KCNIP4: variants seen among roughly 807,000 people sequenced by gnomAD.
KCNIP4 encodes potassium voltage-gated channel interacting protein 4.
A neutral mutation model predicts 34.0 loss-of-function variants in KCNIP4; 12 were observed. The observed-to-expected ratio is 0.35, with a 90% CI of 0.23 to 0.57. The LOEUF is 0.57. Among genes scored for constraint, KCNIP4 ranks in the 20% least tolerant of loss-of-function variants. KCNIP4 has a pLI of 0.83. For missense variants in KCNIP4, 238 were observed against 311.7 expected, an observed-to-expected ratio of 0.76 and a Z score of 1.78; for synonymous variants, 124 against 102.2, an observed-to-expected ratio of 1.21 and a Z score of -1.29.
chr4:21,947,899 C>T (rs1730594177), intron 1 of KCNIP4, among the ~76,000 whole-genome samples: 1 of 152,250 alleles, frequency 6.6e-6, no homozygotes, highest in Non-Finnish European at 1.5e-5. Flanking sequence ...AACAGCAAAA[C>T]ATTTCTCCCT....
At chr4:20,871,113 AATTTATTC>A (rs1241161886) in intron 2 of KCNIP4, among the ~76,000 whole-genome samples, 1 of 152,192 alleles carries the variant, frequency 6.6e-6, no homozygotes, top group African/African-American at 2.4e-5. Flanking sequence ...CATTAGAGAC[AATTTATTC>A]ATTTATTCAT....
chr4:21,809,489 A>G (rs970718656), intron 1 of KCNIP4, among the ~76,000 whole-genome samples: 5 of 152,220 alleles, frequency 3.3e-5, no homozygotes, highest in African/African-American at 1.2e-4. Context: ...TGCATAAATT[A>G]AACACATACA....
At chr4:21,040,623 T>C (rs1216964654) in intron 1 of KCNIP4, among the ~76,000 whole-genome samples, 9 of 152,182 alleles carry the variant, frequency 5.9e-5, no homozygotes, top group Non-Finnish European at 1.2e-4. Flanking sequence ...AAAACCTTCC[T>C]TCTTTACTGC....
chr4:21,442,092 C>T (rs1469909102), intron 1 of KCNIP4, among the ~76,000 whole-genome samples: 1 of 152,118 alleles, frequency 6.6e-6, no homozygotes, highest in African/African-American at 2.4e-5. Context: ...AAAATGTATT[C>T]TCCTTTTGCA....
chr4:20,771,701 G>T (rs1330966326), intron 3 of KCNIP4, among the ~76,000 whole-genome samples: 1 of 151,344 alleles, frequency 6.6e-6, no homozygotes, highest in Non-Finnish European at 1.5e-5. Flanking sequence ...ACAGAATCTC[G>T]CTCTGCCGCC....
At chr4:20,930,968 TA>T (rs564206021) in intron 1 of KCNIP4, among the ~76,000 whole-genome samples, 1 of 151,858 alleles carries the variant, frequency 6.6e-6, no homozygotes, top group East Asian at 1.9e-4. Flanking sequence ...CTAAAGAAAT[TA>T]AAAAATAGAC....
At chr4:21,935,016 A>G (rs539857234) in intron 1 of KCNIP4, among the ~76,000 whole-genome samples, 1 of 152,032 alleles carries the variant, frequency 6.6e-6, no homozygotes, top group African/African-American at 2.4e-5. Context: ...CTGTCATCTG[A>G]ATAATATCCT....
intron 1 of KCNIP4, among the ~76,000 whole-genome samples, chr4:20,939,653 T>G (rs1215412949): frequency 6.6e-6 from 1 of 152,126 alleles, no homozygotes; most frequent in Non-Finnish European, 1.5e-5. Flanking sequence ...ATTACAGGTA[T>G]GAGCCACCAC....
intron 1 of KCNIP4, among the ~76,000 whole-genome samples, chr4:20,965,903 A>G (rs565125263): frequency 6.6e-6 from 1 of 152,328 alleles, no homozygotes; most frequent in African/African-American, 2.4e-5. Flanking sequence ...CTAAAATCTC[A>G]TCTGTGCAAA....
At chr4:21,151,339 C>G (rs1039644148) in intron 1 of KCNIP4, among the ~76,000 whole-genome samples, 1 of 151,224 alleles carries the variant, frequency 6.6e-6, no homozygotes, top group African/African-American at 2.4e-5. Context: ...CAGGCCTTTA[C>G]CTCCCTTAGT....
intron 1 of KCNIP4, among the ~76,000 whole-genome samples, chr4:21,179,699 A>G (rs1168872443): frequency 6.6e-6 from 1 of 152,174 alleles, no homozygotes; most frequent in Non-Finnish European, 1.5e-5. Flanking sequence ...GATACAGGCT[A>G]ACTTTAATTT....
intron 2 of KCNIP4, among the ~76,000 whole-genome samples, chr4:20,872,094 A>C (rs1723534808): frequency 6.6e-6 from 1 of 152,112 alleles, no homozygotes; most frequent in Admixed American, 6.6e-5. Context: ...TCCTTCTAAC[A>C]TCTGCTCACC....
chr4:20,784,257 C>G (rs1170654349), intron 3 of KCNIP4, among the ~76,000 whole-genome samples: 1 of 152,048 alleles, frequency 6.6e-6, no homozygotes, highest in East Asian at 1.9e-4. Flanking sequence ...GTTCAAGTGC[C>G]TCGTTTTTAA....
At chr4:20,789,491 A>T (rs1013657847) in intron 3 of KCNIP4, among the ~76,000 whole-genome samples, 1 of 152,138 alleles carries the variant, frequency 6.6e-6, no homozygotes, top group Admixed American at 6.6e-5. Flanking sequence ...TTAGTATTAG[A>T]TTGCAAAAAT....
intron 1 of KCNIP4, among the ~76,000 whole-genome samples, chr4:21,900,886 C>G (rs187645871): frequency 4.3e-4 from 66 of 152,288 alleles, no homozygotes; most frequent in African/African-American, 1.4e-3. Context: ...AACAGTTCAT[C>G]TTACGAATGT....
chr4:20,893,582 C>G (rs1196264180), intron 1 of KCNIP4, among the ~76,000 whole-genome samples: 1 of 151,386 alleles, frequency 6.6e-6, no homozygotes, highest in African/African-American at 2.4e-5. Context: ...ACCACCATGC[C>G]CCAGTATTTT....
intron 1 of KCNIP4, among the ~76,000 whole-genome samples, chr4:21,633,902 C>T (rs572506604): frequency 2.7e-4 from 41 of 151,990 alleles, no homozygotes; most frequent in African/African-American, 9.6e-4. Flanking sequence ...TTTGCAAATA[C>T]CTTTAATATT....
At chr4:21,285,192 T>G (rs1398635260) in intron 1 of KCNIP4, among the ~76,000 whole-genome samples, 1 of 152,128 alleles carries the variant, frequency 6.6e-6, no homozygotes, top group Admixed American at 6.5e-5. Flanking sequence ...GATACAAATA[T>G]TTTTTAATTA....
chr4:20,769,273 C>G (rs990633906), intron 3 of KCNIP4, among the ~76,000 whole-genome samples: 3 of 152,106 alleles, frequency 2.0e-5, no homozygotes, highest in African/African-American at 7.2e-5. Flanking sequence ...CTTATTTTTA[C>G]TATTATCTCT....
Sources: allele counts gnomAD v4.1 joint callset (sites outside exome capture counted in the v4.1 genomes callset), GRCh38; gene constraint gnomAD v4.1.1; transcripts MANE v1.5; gene names NCBI Gene and HGNC (gene_info 2026-07-23, HGNC 2026-07-21).